The following NOVA2 variants were observed in gnomAD, a reference collection of about 807,000 sequenced individuals.
NOVA2 encodes the protein RNA-binding protein Nova-2.
Under a neutral mutation model 22.5 loss-of-function variants are expected in NOVA2, and 9 were observed. The ratio of observed to expected loss-of-function variants is 0.40; its 90% CI spans 0.24 to 0.70. NOVA2 has a LOEUF of 0.70. Among genes scored for constraint, NOVA2 ranks in the 30% least tolerant of loss-of-function variants. NOVA2 has a pLI of 0.38. For missense variants in NOVA2, 383 were observed against 682.8 expected (o/e 0.56, Z 4.89); for synonymous variants, 318 against 335.2 (o/e 0.95, Z 0.56).
chr19:45,940,855 A>G lies in NOVA2; in HGVS notation c.487T>C (p.Trp163Arg). The G allele has an allele frequency of 6.2e-7, 1 of 1,606,346 alleles. No homozygotes were observed. The highest frequency in any genetic ancestry group is 8.5e-7 in the Non-Finnish European group (1 of 1,179,942). Residue 163 changes from tryptophan (W) to arginine (R), a missense_variant, in exon 4 of 4, where the codon TGG (tryptophan) becomes CGG (arginine). By Grantham distance (101) the Trp-to-Arg change is moderately radical (BLOSUM62 -3). Transcript: ENST00000263257. ...VKAVMEQSGAWVQLSQKPEGI... is the reference protein window; with the variant it reads ...VKAVMEQSGARVQLSQKPEGI... Reference sequence around the variant, plus strand: ...TCCGGCTTCTGGGACAGCTGCACCCATGCTCCTGACTGTTCCATCACGGCT... The same window carrying G: ...TCCGGCTTCTGGGACAGCTGCACCCGTGCTCCTGACTGTTCCATCACGGCT...
rs1191674228 is a variant in NOVA2, at chr19:45,933,910, T to C, written c.*5953A>G. On this transcript the variant is annotated 3_prime_UTR_variant, in exon 4 of 4. Transcript: ENST00000263257. ...GGGTGGGGTGGGCGTGGCCCAGGCA[T>C]GGCAATGTGGGGAGTGGGAGGAGAC... 1 of 150,988 alleles carries C rather than the reference T, an allele frequency of 6.6e-6. No homozygotes were observed. The highest frequency in any genetic ancestry group is 1.5e-5 in the Non-Finnish European group (1 of 67,864). 9.4% of individuals were successfully genotyped at this position (150,988 alleles called of 1,614,324 possible).
chr19:45,954,869 T>C (rs142659377), intron 2 of NOVA2, among the ~76,000 whole-genome samples: 60 of 146,990 alleles, frequency 4.1e-4, no homozygotes, highest in South Asian at 3.8e-3. Context: ...TGTGTGTGTG[T>C]GTGTGTGTGT....
intron 1 of NOVA2, among the ~76,000 whole-genome samples, chr19:45,965,729 CAAA>C (rs113511683): frequency 7.4e-6 from 1 of 135,430 alleles, no homozygotes. Flanking sequence ...GACTGTGTCT[CAAA>C]AAAAAAAAAA....
chr19:45,964,122 A>G (rs1385529481), intron 1 of NOVA2, among the ~76,000 whole-genome samples: 4 of 146,792 alleles, frequency 2.7e-5, no homozygotes, highest in Admixed American at 6.7e-5. Flanking sequence ...CCATCCCCCA[A>G]TGGTTTTTCA....
chr19:45,951,467 A>G (rs1369970130), intron 3 of NOVA2, among the ~76,000 whole-genome samples: 3 of 151,976 alleles, frequency 2.0e-5, no homozygotes, highest in Non-Finnish European at 4.4e-5. Flanking sequence ...AAATACAAAA[A>G]ATTAGCCAGG....
intron 2 of NOVA2, among the ~76,000 whole-genome samples, chr19:45,960,271 G>A (rs1968075466): frequency 6.6e-6 from 1 of 151,686 alleles, no homozygotes; most frequent in Admixed American, 6.6e-5. Context: ...GATACTGGTT[G>A]AATGGATGAT....
chr19:45,960,976 G>C lies in NOVA2; in HGVS notation c.229+34C>G, dbSNP rs759959034. On this transcript the variant is annotated intron_variant, in intron 2 of 3. Transcript: ENST00000263257. ...GGAGGGAGAAAGGGAGGAAGGGCGG[G>C]GGGCCTAGGGCAGAGACCTGGGCCG... 5 of 1,551,302 alleles carry C rather than the reference G, an allele frequency of 3.2e-6. No homozygotes were observed. In the East Asian group the frequency reaches 1.2e-4, roughly 37 times the overall value.
In NOVA2 at chr19:45,939,626, G is replaced by A. The variant is rs1177904361; in HGVS notation, c.*237C>T. Reference sequence around the variant, plus strand: ...AGGGTCAGGCCCAGCCAAGCACAGGGAGGGAGGAAGGAGGGGTCAGTTCCG... The same window carrying A: ...AGGGTCAGGCCCAGCCAAGCACAGGAAGGGAGGAAGGAGGGGTCAGTTCCG... On this transcript the variant is annotated 3_prime_UTR_variant, in exon 4 of 4. Transcript: ENST00000263257. The A allele has an allele frequency of 3.5e-6, 2 of 569,258 alleles. No homozygotes were observed. The highest frequency in any genetic ancestry group is 6.2e-6 in the Non-Finnish European group (2 of 321,808). The allele number at this position is 569,258 out of a possible 1,614,324, so 35.3% of individuals were successfully genotyped here. A position where few individuals can be genotyped will look rare whatever the true frequency, so the allele number is the denominator to read the frequency against.
rs1158654952 is a variant in NOVA2 at position 45,939,603 on chromosome 19, G to A, written c.*260C>T. On this transcript the variant is annotated 3_prime_UTR_variant, in exon 4 of 4. Transcript: ENST00000263257. Reference sequence around the variant, plus strand: ...CAGACCTGGGCCCTGGGACAGGAAGGGTCAGGCCCAGCCAAGCACAGGGAG... The same window carrying A: ...CAGACCTGGGCCCTGGGACAGGAAGAGTCAGGCCCAGCCAAGCACAGGGAG... 8 of 539,614 alleles carry A rather than the reference G, an allele frequency of 1.5e-5. No homozygotes were observed. Among genetic ancestry groups the A allele is most frequent in the Admixed American group, 3.3e-5 (1 of 29,860 alleles). 33.4% of individuals were successfully genotyped at this position (539,614 alleles called of 1,614,324 possible). A position where few individuals can be genotyped will look rare whatever the true frequency, so the allele number is the denominator to read the frequency against.
intron 2 of NOVA2, among the ~76,000 whole-genome samples, chr19:45,955,874 A>G (rs1600610002): frequency 6.6e-6 from 1 of 152,090 alleles, no homozygotes; most frequent in East Asian, 1.9e-4. Context: ...AAACAAAAAA[A>G]AGAAAAAAAA....
intron 3 of NOVA2, among the ~76,000 whole-genome samples, 175 bp from the exon 4 acceptor site, chr19:45,941,120 TC>T (rs1939185793): frequency 6.6e-6 from 1 of 151,708 alleles, no homozygotes; most frequent in African/African-American, 2.4e-5. Context: ...TGAAACTCCG[TC>T]TCTAGTAAAA....
intron 3 of NOVA2, among the ~76,000 whole-genome samples, chr19:45,944,382 C>T (rs983968729): frequency 2.0e-5 from 3 of 152,054 alleles, no homozygotes; most frequent in African/African-American, 7.2e-5. Flanking sequence ...GTTGAGGCTG[C>T]AGTGAGCTGT....
rs918793251 is a variant in NOVA2 at position 45,955,763 on chromosome 19, C to T, written c.230-1817G>A. Among the ~76,000 whole-genome samples, 26 of 151,758 alleles carry T rather than the reference C, an allele frequency of 1.7e-4. No individual in the cohort carries two copies. In the East Asian group the frequency reaches 4.8e-3, roughly 28 times the overall value. On this transcript the variant is annotated intron_variant, in intron 2 of 3. Transcript: ENST00000263257. The stretch of plus-strand genomic sequence containing the variant: ...GTCCCAGCTACACGGGAGGCTGAGA[C>T]AGGAGAATCGCTTGAACCTGGGAGG...
chr19:45,940,789 C>T lies in NOVA2; in HGVS notation c.553G>A (p.Glu185Lys), dbSNP rs1318649972. ...ACGGCCTTGTGCACCTGCTCGGGCT[C>T]GCCGCTGACCGTCACCACGCGCTCC... Reference protein sequence around the residue: ...LQERVVTVSGEPEQVHKAVSA... With the variant: ...LQERVVTVSGKPEQVHKAVSA... The change falls in exon 4 of 4, where the codon GAG becomes AAG. Residue 185 changes from glutamate (E) to lysine (K), a missense_variant. Coordinates refer to ENST00000263257, the MANE Select transcript of NOVA2 (RefSeq NM_002516.4). 2 of 1,607,250 alleles carry T rather than the reference C, an allele frequency of 1.2e-6. No homozygotes were observed. Among genetic ancestry groups the T allele is most frequent in the Non-Finnish European group, 8.5e-7 (1 of 1,179,916 alleles).
chr19:45,971,305 C>T (rs1170994862), intron 1 of NOVA2, among the ~76,000 whole-genome samples: 1 of 152,100 alleles, frequency 6.6e-6, no homozygotes, highest in Non-Finnish European at 1.5e-5. Flanking sequence ...ACCCCCTACC[C>T]TCTGGAGGAC....
Position 45,936,978 on chromosome 19 carries a change from G to A in NOVA2, c.*2885C>T, listed in dbSNP as rs1010222252. 1 of 152,172 alleles carries A rather than the reference G, an allele frequency of 6.6e-6. No individual in the cohort carries two copies. The highest frequency in any genetic ancestry group is 1.5e-5 in the Non-Finnish European group (1 of 68,032). The allele number at this position is 152,172 out of a possible 1,614,324, so 9.4% of individuals were successfully genotyped here. ...CCTCTGGACAAACTGCAGCACAAAA[G>A]ATTGAGGTCAGATTGCAGAAGGGAC... On this transcript the variant is annotated 3_prime_UTR_variant, in exon 4 of 4. Coordinates refer to ENST00000263257, the MANE Select transcript of NOVA2 (RefSeq NM_002516.4).
chr19:45,958,500 T>C (rs1452802433), intron 2 of NOVA2, among the ~76,000 whole-genome samples: 2 of 148,610 alleles, frequency 1.3e-5, no homozygotes, highest in Non-Finnish European at 3.0e-5. Context: ...TGAGTGTGAG[T>C]GTGTGTAAGC....
Position 45,940,920 on chromosome 19 carries a change from G to A in NOVA2, c.422C>T (p.Thr141Met). Reference protein sequence around the residue: ...KQAKLIVPNSTAGLIIGKGGA... With the variant: ...KQAKLIVPNSMAGLIIGKGGA... ...TCCCTTGCCGATGATCAGGCCCGCC[G>A]TGCTGTTGGGGACGATCAGCTTGGC... Residue 141 changes from threonine to methionine, a missense_variant, in exon 4 of 4, where the codon ACG becomes ATG. Around this residue, in one of 2 missense-constraint regions of NOVA2, gnomAD observed 349 missense variants for 578.1 expected, o/e 0.60. Transcript: ENST00000263257. 1.9e-6 allele frequency: 3 copies of A among 1,604,278 alleles called. No individual in the cohort carries two copies. The highest frequency in any genetic ancestry group is 2.5e-6 in the Non-Finnish European group (3 of 1,179,714).
intron 1 of NOVA2, among the ~76,000 whole-genome samples, chr19:45,963,533 CT>C (rs560312415): frequency 2.4e-4 from 35 of 145,634 alleles, no homozygotes; most frequent in Middle Eastern, 7.1e-3. Flanking sequence ...CAGTCAGTTT[CT>C]TTTTTTTTTT....
Sources: allele counts gnomAD v4.1 joint callset (sites outside exome capture counted in the v4.1 genomes callset), GRCh38; gene constraint gnomAD v4.1.1; regional missense constraint gnomAD v4.1.1; transcripts MANE v1.5; gene names NCBI Gene and HGNC (gene_info 2026-07-23, HGNC 2026-07-21).